The following LTBP1 variants were observed in gnomAD, a reference collection of about 807,000 sequenced individuals.
LTBP1 encodes the protein latent-transforming growth factor beta-binding protein 1.
LTBP1 carries 129 observed loss-of-function variants against 207.6 expected under a neutral mutation model. That is an observed-to-expected ratio of 0.62 (90% CI 0.54 to 0.72). LTBP1 has a LOEUF of 0.72. Ranked by LOEUF, LTBP1 falls within the 30% of genes least tolerant of loss-of-function variation. The probability of loss-of-function intolerance (pLI) is 0.00; values close to 1 mark genes in which losing one functional copy is unlikely to be tolerated. For synonymous variants in LTBP1, 963 were observed against 833.7 expected (o/e 1.16, Z -2.67); for missense variants, 2,281 against 2,217.2 (o/e 1.03, Z -0.58).
In LTBP1 at chr2:33,075,810, C is replaced by T. The variant is rs141194801; in HGVS notation, c.864-34772C>T. On this transcript the variant is annotated intron_variant, in intron 3 of 33. Transcript: ENST00000404816. The stretch of plus-strand genomic sequence containing the variant: ...GATGCTATTCTGATAAAAGTCACTT[C>T]CAGGTACTTGTAAGTGAAATGCTTT... Among the ~76,000 whole-genome samples, 641 of 152,298 alleles carry T rather than the reference C, an allele frequency of 4.2e-3. 4 individuals are homozygous for T. Among genetic ancestry groups the T allele is most frequent in the Middle Eastern group, 0.014 (4 of 294 alleles).
intron 5 of LTBP1, among the ~76,000 whole-genome samples, chr2:33,151,020 G>C (rs183749449): frequency 1.3e-5 from 2 of 151,952 alleles, no homozygotes; most frequent in African/African-American, 4.8e-5. Flanking sequence ...GATTACAGGC[G>C]TGAACCACCA....
chr2:32,976,627 C>A (rs1000458124), intron 2 of LTBP1, among the ~76,000 whole-genome samples: 1 of 152,182 alleles, frequency 6.6e-6, no homozygotes, highest in Non-Finnish European at 1.5e-5. Flanking sequence ...TGTTCCGGTG[C>A]CTTGGAGGAG....
At chr2:33,153,219 A>G (rs1289882110) in intron 5 of LTBP1, among the ~76,000 whole-genome samples, 3 of 152,170 alleles carry the variant, frequency 2.0e-5, no homozygotes, top group Non-Finnish European at 2.9e-5. Context: ...CCAGTGATAC[A>G]TTGTGTGGTG....
chr2:33,274,424 T>C (rs1462630477), intron 16 of LTBP1, among the ~76,000 whole-genome samples: 1 of 152,152 alleles, frequency 6.6e-6, no homozygotes. Context: ...TTAATACTTC[T>C]TTAGTATATG....
At chr2:33,389,768 T>C (rs888040902) in intron 32 of LTBP1, among the ~76,000 whole-genome samples, 2 of 152,164 alleles carry the variant, frequency 1.3e-5, no homozygotes, top group Admixed American at 6.5e-5. Context: ...GCCTCCCAAG[T>C]AGCTGGGATT....
At chr2:33,244,860 T>TTATG (rs1553466497) in intron 10 of LTBP1, among the ~76,000 whole-genome samples, 5 of 150,850 alleles carry the variant, frequency 3.3e-5, no homozygotes, top group African/African-American at 1.2e-4. Context: ...GTTTTTGTTT[T>TTATG]TATCTATCTA....
intron 2 of LTBP1, among the ~76,000 whole-genome samples, chr2:32,959,613 A>ATT (rs71407488): frequency 0.12 from 4,304 of 35,332 alleles, 346 homozygotes; most frequent in Non-Finnish European, 0.19. Flanking sequence ...ATATATATAT[A>ATT]TATATATATT....
At chr2:33,110,189 C>G (rs1390130906) in intron 3 of LTBP1, among the ~76,000 whole-genome samples, 2 of 152,204 alleles carry the variant, frequency 1.3e-5, no homozygotes, top group East Asian at 1.9e-4. Context: ...CTCCTGGGCT[C>G]AAGCGATCCT....
intron 3 of LTBP1, among the ~76,000 whole-genome samples, chr2:33,044,095 T>G (rs1343118616): frequency 6.6e-6 from 1 of 151,806 alleles, no homozygotes; most frequent in Non-Finnish European, 1.5e-5. Context: ...CATTTAGACC[T>G]TTTATGAAAT....
chr2:33,051,850 A>G (rs1437135873), intron 3 of LTBP1, among the ~76,000 whole-genome samples: 2 of 151,962 alleles, frequency 1.3e-5, no homozygotes, highest in African/African-American at 4.8e-5. Flanking sequence ...AGGCCTATCA[A>G]CTCTCCCCAG....
intron 24 of LTBP1, among the ~76,000 whole-genome samples, chr2:33,315,824 C>G (rs2094262504): frequency 6.6e-6 from 1 of 152,102 alleles, no homozygotes; most frequent in South Asian, 2.1e-4. Flanking sequence ...GTGATCCCAG[C>G]TACTTGGGAG....
At chr2:33,258,512 T>A (rs530454895) in intron 12 of LTBP1, among the ~76,000 whole-genome samples, 7 of 152,284 alleles carry the variant, frequency 4.6e-5, no homozygotes, top group Admixed American at 1.3e-4. Context: ...ATGCTTTCAC[T>A]CACTGCATTT....
chr2:33,030,711 G>A (rs574943254), intron 3 of LTBP1, among the ~76,000 whole-genome samples: 2 of 152,204 alleles, frequency 1.3e-5, no homozygotes, highest in East Asian at 3.8e-4. Flanking sequence ...TAAGTCAGTG[G>A]CATTATGTTT....
chr2:33,260,938 G>A (rs561148256), intron 13 of LTBP1, among the ~76,000 whole-genome samples: 1 of 152,238 alleles, frequency 6.6e-6, no homozygotes, highest in South Asian at 2.1e-4. Flanking sequence ...CATTTTATTT[G>A]GGGAGGAGAT....
chr2:33,091,850 G>A (rs2079113000), intron 3 of LTBP1, among the ~76,000 whole-genome samples: 1 of 152,046 alleles, frequency 6.6e-6, no homozygotes. Flanking sequence ...GCTTTTCTTG[G>A]TGCTGTTTGG....
rs1457736563 is a variant in LTBP1 at position 33,365,214 on chromosome 2, T to C, written c.4541-119T>C. The C allele has an allele frequency of 4.9e-6, 4 of 822,912 alleles. No homozygotes were observed. The East Asian group carries it at 9.9e-5, about 20-fold the overall frequency. 51.0% of individuals were successfully genotyped at this position (822,912 alleles called of 1,614,324 possible). ...AAAGACCAGACTGGATTCAGACTTT[T>C]ACTTGGAAGTCACTCTTAGAAATAG... On this transcript the variant is annotated intron_variant, in intron 30 of 33. Coordinates refer to ENST00000404816, the MANE Select transcript of LTBP1 (RefSeq NM_206943.4).
intron 2 of LTBP1, among the ~76,000 whole-genome samples, chr2:32,970,976 C>A (rs1037571388): frequency 6.7e-6 from 1 of 149,544 alleles, no homozygotes; most frequent in African/African-American, 2.5e-5. Flanking sequence ...TCTTTTATCT[C>A]CCTGGTTAGC....
chr2:33,163,981 T>C (rs2084686542), intron 5 of LTBP1, among the ~76,000 whole-genome samples: 1 of 152,046 alleles, frequency 6.6e-6, no homozygotes, highest in African/African-American at 2.4e-5. Context: ...TTTTTTTCTC[T>C]TAATATGTCT....
At chr2:33,008,941 G>A (rs987025439) in intron 2 of LTBP1, among the ~76,000 whole-genome samples, 1 of 152,228 alleles carries the variant, frequency 6.6e-6, no homozygotes, top group Non-Finnish European at 1.5e-5. Flanking sequence ...CTGGGGACCA[G>A]CAAGCAAGCC....
Sources: allele counts gnomAD v4.1 joint callset (sites outside exome capture counted in the v4.1 genomes callset), GRCh38; gene constraint gnomAD v4.1.1; transcripts MANE v1.5; gene names NCBI Gene and HGNC (gene_info 2026-07-23, HGNC 2026-07-21).